SLC25A48: variants seen among roughly 807,000 people sequenced by gnomAD.
SLC25A48 encodes solute carrier family 25 member 48.
In SLC25A48, 29 loss-of-function variants were observed where a neutral mutation model predicts 32.2. The observed-to-expected ratio is 0.90, with a 90% CI of 0.67 to 1.23. The LOEUF is 1.23. Ranked by LOEUF, SLC25A48 falls within the 50% of genes most tolerant of loss-of-function variation. SLC25A48 has a pLI of 0.00. For missense variants in SLC25A48, 399 were observed against 422.7 expected, an observed-to-expected ratio of 0.94 and a Z score of 0.49; for synonymous variants, 164 against 172.3, an observed-to-expected ratio of 0.95 and a Z score of 0.38.
At chr5:135,754,894 T>A (rs989938682) in intron 3 of SLC25A48, among the ~76,000 whole-genome samples, 3 of 152,130 alleles carry the variant, frequency 2.0e-5, no homozygotes, top group African/African-American at 7.2e-5. Context: ...GTGATAATAT[T>A]GAAATATTGG....
At chr5:135,869,438 T>C (rs957926433) in intron 4 of SLC25A48, among the ~76,000 whole-genome samples, 1 of 152,236 alleles carries the variant, frequency 6.6e-6, no homozygotes, top group Non-Finnish European at 1.5e-5. Flanking sequence ...TACAGGATTT[T>C]TGTTGACAAG....
At chr5:135,736,602 G>T (rs2126996644) in intron 3 of SLC25A48, among the ~76,000 whole-genome samples, 1 of 152,122 alleles carries the variant, frequency 6.6e-6, no homozygotes, top group Non-Finnish European at 1.5e-5. Context: ...GAGAGAAGGG[G>T]TGGGGGGTGC....
rs551720758 is a variant in SLC25A48, at chr5:135,874,058, C to T, written c.717C>T (p.Val239=). ...GGGGGACAGCGACTCCTATGGATGT[C>T]GTGAAAAGTCGACTCCAAGCTGATG... ...ISWGTATPMD[V]VKSRLQADGV... The change falls in exon 6 of 8, where the codon GTC becomes GTT. Residue 239 remains valine (V), a synonymous_variant. Coordinates refer to ENST00000681962, the MANE Select transcript of SLC25A48 (RefSeq NM_001349336.2). 3.9e-6 allele frequency: 6 copies of T among 1,531,212 alleles called. No individual in the cohort carries two copies. Among genetic ancestry groups the T allele is most frequent in the South Asian group, 2.4e-5 (2 of 83,404 alleles). 94.9% of individuals were successfully genotyped at this position (1,531,212 alleles called of 1,614,324 possible). A position where few individuals can be genotyped will look rare whatever the true frequency, so the allele number is the denominator to read the frequency against.
chr5:135,592,158 A>G (rs1373135710), intron 1 of SLC25A48, among the ~76,000 whole-genome samples: 1 of 152,184 alleles, frequency 6.6e-6, no homozygotes, highest in Non-Finnish European at 1.5e-5. Context: ...CTCTGAGGCA[A>G]GGATCTACGG....
chr5:135,605,288 T>C lies in SLC25A48; in HGVS notation c.-848-23949T>C, dbSNP rs139454018. Among the ~76,000 whole-genome samples, 1,053 of 152,198 alleles carry C rather than the reference T, an allele frequency of 6.9e-3. 13 individuals are homozygous for C. Among genetic ancestry groups the C allele is most frequent in the Non-Finnish European group, 9.0e-3 (613 of 67,966 alleles). Reference sequence around the variant, plus strand: ...TGGCCTCCAGCCCCTATTCCCATTATGAGATTGGTTCTAAATGATGAGTAC... The same window carrying C: ...TGGCCTCCAGCCCCTATTCCCATTACGAGATTGGTTCTAAATGATGAGTAC... On this transcript the variant is annotated intron_variant, in intron 1 of 10. Coordinates refer to the SLC25A48 transcript ENST00000646290.
At chr5:135,679,217 G>A (rs548830724) in intron 3 of SLC25A48, among the ~76,000 whole-genome samples, 28 of 152,320 alleles carry the variant, frequency 1.8e-4, no homozygotes, top group Admixed American at 1.4e-3. Flanking sequence ...GGGACATGTG[G>A]GTGGGTGCCT....
intron 3 of SLC25A48, among the ~76,000 whole-genome samples, chr5:135,690,338 T>C (rs1754115931): frequency 6.6e-6 from 1 of 152,140 alleles, no homozygotes; most frequent in Non-Finnish European, 1.5e-5. Context: ...AGCAGTGGAA[T>C]GTTCAGGAAA....
chr5:135,672,190 A>G (rs1753671357), intron 3 of SLC25A48, among the ~76,000 whole-genome samples: 1 of 152,220 alleles, frequency 6.6e-6, no homozygotes. Flanking sequence ...TATGTAACCC[A>G]ATCACGAACC....
chr5:135,775,841 G>T (rs62365733), intron 3 of SLC25A48, among the ~76,000 whole-genome samples: 60,573 of 151,364 alleles, frequency 0.4, 14,105 homozygotes, highest in Non-Finnish European at 0.52. Context: ...CGTGGGGGTT[G>T]TACGCCCCTT....
At chr5:135,837,304 G>T (rs1294887660) in intron 1 of SLC25A48, among the ~76,000 whole-genome samples, 1 of 152,172 alleles carries the variant, frequency 6.6e-6, no homozygotes, top group Middle Eastern at 3.4e-3. Context: ...GGGGACAGGT[G>T]GTTCTGGACC....
chr5:135,627,816 C>G (rs1361264444), intron 1 of SLC25A48, among the ~76,000 whole-genome samples: 2 of 152,082 alleles, frequency 1.3e-5, no homozygotes, highest in African/African-American at 2.4e-5. Context: ...CATGGTCACT[C>G]CTGTCATGGA....
intron 3 of SLC25A48, among the ~76,000 whole-genome samples, chr5:135,693,924 G>C (rs1293324294): frequency 1.3e-5 from 2 of 151,834 alleles, no homozygotes. Flanking sequence ...TCTTTGTTCT[G>C]CAGGTTTCTG....
intron 3 of SLC25A48, among the ~76,000 whole-genome samples, chr5:135,808,084 T>A (rs2126648738): frequency 6.6e-6 from 1 of 151,236 alleles, no homozygotes; most frequent in Non-Finnish European, 1.5e-5. Context: ...CACTAGATAT[T>A]ATAAATATCA....
At chr5:135,699,874 C>G (rs1269886822) in intron 3 of SLC25A48, among the ~76,000 whole-genome samples, 1 of 152,144 alleles carries the variant, frequency 6.6e-6, no homozygotes, top group African/African-American at 2.4e-5. Flanking sequence ...TTCCAGTGCT[C>G]CCTGAAAGCT....
chr5:135,860,306 T>G (rs1760677460), intron 4 of SLC25A48, among the ~76,000 whole-genome samples: 1 of 152,212 alleles, frequency 6.6e-6, no homozygotes, highest in Admixed American at 6.5e-5. Flanking sequence ...TATGTTTCAT[T>G]TTTCCTCTTT....
At chr5:135,727,518 T>C (rs1055973814) in intron 3 of SLC25A48, among the ~76,000 whole-genome samples, 10 of 152,192 alleles carry the variant, frequency 6.6e-5, no homozygotes, top group Non-Finnish European at 1.2e-4. Context: ...TATTTTTTTT[T>C]CTAAAAGTTT....
chr5:135,698,982 T>C (rs997905458), intron 3 of SLC25A48, among the ~76,000 whole-genome samples: 17 of 152,144 alleles, frequency 1.1e-4, no homozygotes, highest in African/African-American at 3.4e-4. Context: ...ATCAAACCCA[T>C]CCTAAAATAT....
chr5:135,709,558 G>T (rs1002257674), intron 3 of SLC25A48, among the ~76,000 whole-genome samples: 6 of 152,212 alleles, frequency 3.9e-5, no homozygotes, highest in African/African-American at 1.4e-4. Context: ...TAACTCTGGT[G>T]CTTTTGAAGC....
chr5:135,760,643 C>T (rs1756040532), intron 3 of SLC25A48, among the ~76,000 whole-genome samples: 1 of 152,174 alleles, frequency 6.6e-6, no homozygotes, highest in African/African-American at 2.4e-5. Flanking sequence ...GGATAGATGC[C>T]ATGAAAGTCT....
Sources: allele counts gnomAD v4.1 joint callset (sites outside exome capture counted in the v4.1 genomes callset), GRCh38; gene constraint gnomAD v4.1.1; transcripts MANE v1.5; gene names NCBI Gene and HGNC (gene_info 2026-07-23, HGNC 2026-07-21).